PALS1: variants seen among roughly 807,000 people sequenced by gnomAD.
PALS1 encodes protein associated with LIN7 1, MAGUK p55 family member, also known as protein PALS1.
A neutral mutation model predicts 78.9 loss-of-function variants in PALS1; 31 were observed. The observed-to-expected ratio is 0.39, with a 90% CI of 0.30 to 0.53. The LOEUF is 0.53. PALS1 is among the 20% of genes least tolerant of loss of function. The pLI is 0.67. For synonymous variants in PALS1, 276 were observed against 270.9 expected, an observed-to-expected ratio of 1.02 and a Z score of -0.18; for missense variants, 704 against 826.5, an observed-to-expected ratio of 0.85 and a Z score of 1.82.
At position 67,279,207 on chromosome 14, in the gene PALS1, G is replaced by C. The variant is rs1394920268; in HGVS notation, c.37G>C (p.Glu13Gln). Reference sequence around the variant, plus strand: ...CCATATGAATGGGCATGTTACAGAGGAATCAGACAGCGAAGTAAAAAATGT... The same window carrying C: ...CCATATGAATGGGCATGTTACAGAGCAATCAGACAGCGAAGTAAAAAATGT... Reference protein sequence around the residue: ...TSHMNGHVTEESDSEVKNVDL... With the variant: ...TSHMNGHVTEQSDSEVKNVDL... The change falls in exon 3 of 15, where the codon GAA becomes CAA. Residue 13 changes from glutamate to glutamine, a missense_variant. Transcript: ENST00000261681. 2.7e-5 allele frequency: 43 copies of C among 1,610,706 alleles called. No individual in the cohort carries two copies. Among genetic ancestry groups the C allele is most frequent in the Non-Finnish European group, 3.6e-5 (42 of 1,178,658 alleles).
At chr14:67,331,804 T>C (rs551480157) in intron 14 of PALS1, among the ~76,000 whole-genome samples, 1 of 152,312 alleles carries the variant, frequency 6.6e-6, no homozygotes, top group Admixed American at 6.5e-5. Flanking sequence ...GTTCTTCCAA[T>C]AATCTTGAGC....
chr14:67,244,004 A>G (rs765083519), intron 1 of PALS1, among the ~76,000 whole-genome samples: 9 of 152,190 alleles, frequency 5.9e-5, no homozygotes, highest in Admixed American at 1.3e-4. Flanking sequence ...CTAAGTCTCC[A>G]TATTCTAAAT....
At chr14:67,279,664 C>A in intron 3 of PALS1, 127 bp downstream of exon 3, 2 of 949,830 alleles carry the variant, frequency 2.1e-6, no homozygotes, top group Non-Finnish European at 3.0e-6. Context: ...AGACCAAGAT[C>A]CTTTGTTTTC....
intron 1 of PALS1, among the ~76,000 whole-genome samples, chr14:67,249,700 CAAA>C (rs748298096): frequency 1.4e-4 from 21 of 152,284 alleles, no homozygotes; most frequent in Admixed American, 2.6e-4. Context: ...AAACTTCACA[CAAA>C]AAGTTGAGGA....
At chr14:67,246,858 G>A (rs1263952597) in intron 1 of PALS1, among the ~76,000 whole-genome samples, 1 of 151,984 alleles carries the variant, frequency 6.6e-6, no homozygotes, top group Non-Finnish European at 1.5e-5. Context: ...CACCGTGTTG[G>A]CCAGGATGGT....
rs755148134 is a variant in PALS1, at chr14:67,321,127, C to A, written c.1608C>A (p.Phe536Leu). ...RDYHFVSRQA[F>L]EADIAAGKFI... ...ACCACTTTGTTTCGCGGCAAGCATT[C>A]GAGGCAGACATAGCAGCTGGAAAGT... The change falls in exon 13 of 15, where the codon TTC becomes TTA. Residue 536 changes from phenylalanine (F) to leucine (L), a missense_variant. Coordinates refer to ENST00000261681, the MANE Select transcript of PALS1 (RefSeq NM_022474.4). 1 of 1,614,102 alleles carries A rather than the reference C, an allele frequency of 6.2e-7. No individual in the cohort carries two copies. The highest frequency in any genetic ancestry group is 2.2e-5 in the East Asian group (1 of 44,880).
chr14:67,277,383 A>G (rs2084523594), intron 2 of PALS1, among the ~76,000 whole-genome samples: 1 of 152,176 alleles, frequency 6.6e-6, no homozygotes, highest in Non-Finnish European at 1.5e-5. Flanking sequence ...GGTTTTCCTG[A>G]TAGCCTAGTT....
intron 14 of PALS1, among the ~76,000 whole-genome samples, chr14:67,329,388 G>A (rs887863926): frequency 1.3e-5 from 2 of 152,168 alleles, no homozygotes; most frequent in African/African-American, 2.4e-5. Flanking sequence ...CTGAGACGAT[G>A]GAGTTTTCTA....
chr14:67,302,711 A>T (rs2084948652), intron 7 of PALS1, 140 bp downstream of exon 7: 2 of 603,860 alleles, frequency 3.3e-6, no homozygotes, highest in Non-Finnish European at 5.0e-6. Flanking sequence ...ACTGTTCCAC[A>T]GTATTTGTTA....
intron 7 of PALS1, 34 bp downstream of exon 7, chr14:67,302,605 C>G: frequency 1.4e-6 from 2 of 1,398,268 alleles, no homozygotes; most frequent in Non-Finnish European, 1.9e-6. Context: ...TAATTGATAG[C>G]TTTTAGAAAG....
At position 67,279,701 on chromosome 14, in the gene PALS1, A is replaced by T. The variant is rs2140680186; in HGVS notation, c.367+164A>T. 5.1e-6 allele frequency: 3 copies of T among 591,058 alleles called. No homozygotes were observed. The South Asian group carries it at 1.3e-4, about 25-fold the overall frequency. The allele number at this position is 591,058 out of a possible 1,614,324, so 36.6% of individuals were successfully genotyped here. ...TGGAAACGCCGTATAACTATTGTTT[A>T]CTGTTACCAACATAGAGCTAAAAGC... On this transcript the variant is annotated intron_variant, in intron 3 of 14. Coordinates refer to ENST00000261681, the MANE Select transcript of PALS1 (RefSeq NM_022474.4).
Position 67,312,524 on chromosome 14 carries a change from T to G in PALS1, c.1042-3T>G. On this transcript the variant is annotated splice_region_variant and splice_polypyrimidine_tract_variant and intron_variant, in intron 8 of 14. Transcript: ENST00000261681. The stretch of plus-strand genomic sequence containing the variant: ...TGTTGTTTTTGCCCTTTTTATCTTT[T>G]AGATCCATGTAAAAGCTCATTTTGA... 6.4e-7 allele frequency: 1 copy of G among 1,565,270 alleles called. No individual in the cohort carries two copies. Among genetic ancestry groups the G allele is most frequent in the Non-Finnish European group, 8.7e-7 (1 of 1,154,016 alleles).
At position 67,333,005 on chromosome 14, in the gene PALS1, C is replaced by A; in HGVS notation, c.*49C>A. On this transcript the variant is annotated 3_prime_UTR_variant, in exon 15 of 15. Coordinates refer to ENST00000261681, the MANE Select transcript of PALS1 (RefSeq NM_022474.4). ...GTTGGACTTGATCTGGCAAAAACTG[C>A]CAATAGGAGGACTGCCCGACACTGC... The A allele has an allele frequency of 6.5e-7, 1 of 1,537,304 alleles. No homozygotes were observed. Among genetic ancestry groups the A allele is most frequent in the Non-Finnish European group, 8.9e-7 (1 of 1,123,704 alleles).
chr14:67,312,771 C>G (rs1347719038), intron 9 of PALS1, 61 bp downstream of exon 9: 1 of 1,279,382 alleles, frequency 7.8e-7, no homozygotes, highest in East Asian at 2.8e-5. Flanking sequence ...TGCAAGCCTT[C>G]ACAAAGAAAA....
intron 5 of PALS1, 50 bp downstream of exon 5, chr14:67,301,516 A>AT (rs1157511562): frequency 2.9e-6 from 4 of 1,377,422 alleles, no homozygotes; most frequent in South Asian, 1.3e-5. Context: ...GCATTCTTCT[A>AT]TTTTTTTAAA....
intron 8 of PALS1, chr14:67,312,164 G>T: frequency 6.4e-6 from 1 of 155,314 alleles, no homozygotes; most frequent in Non-Finnish European, 1.4e-5. Context: ...GAACAGTGTT[G>T]TGGATATCCT....
rs574420160 is a variant in PALS1, at chr14:67,331,235, G to C, written c.1852-1545G>C. Among the ~76,000 whole-genome samples, 50 of 152,166 alleles carry C rather than the reference G, an allele frequency of 3.3e-4. 1 individual carries two copies. The highest frequency in any genetic ancestry group is 1.2e-3 in the African/African-American group (50 of 41,520). On this transcript the variant is annotated intron_variant, in intron 14 of 14. Coordinates refer to ENST00000261681, the MANE Select transcript of PALS1 (RefSeq NM_022474.4). ...ATTTTTTGTATTTTTAATAGAGACG[G>C]GGTTTTGCCCTGTTGGCCAGGCTGG...
chr14:67,260,649 A>C (rs918492841), intron 1 of PALS1, among the ~76,000 whole-genome samples: 5 of 152,210 alleles, frequency 3.3e-5, no homozygotes, highest in African/African-American at 1.2e-4. Flanking sequence ...AAAGTTGAAG[A>C]GAGGATTTTT....
At chr14:67,320,821 C>T (rs938105594) in intron 12 of PALS1, among the ~76,000 whole-genome samples, 2 of 151,938 alleles carry the variant, frequency 1.3e-5, no homozygotes, top group Non-Finnish European at 2.9e-5. Context: ...GAAGTGTAAG[C>T]ATAAAATGTA....
Sources: allele counts gnomAD v4.1 joint callset (sites outside exome capture counted in the v4.1 genomes callset), GRCh38; gene constraint gnomAD v4.1.1; transcripts MANE v1.5; gene names NCBI Gene and HGNC (gene_info 2026-07-23, HGNC 2026-07-21).